Variants in FAM171A1 observed in about 807,000 individuals in gnomAD.
FAM171A1 encodes the protein protein FAM171A1.
A neutral mutation model predicts 74.9 loss-of-function variants in FAM171A1; 23 were observed. That is an observed-to-expected ratio of 0.31 (90% confidence interval 0.22 to 0.44). The LOEUF is 0.44. FAM171A1 is among the 20% of genes least tolerant of loss of function. The pLI, the probability that FAM171A1 is intolerant of heterozygous loss-of-function variation, is 1.00. For synonymous variants in FAM171A1, 527 were observed against 505.7 expected, an observed-to-expected ratio of 1.04 and a Z score of -0.57; for missense variants, 1,162 against 1,159.2, an observed-to-expected ratio of 1.00 and a Z score of -0.03.
upstream of FAM171A1, among the ~76,000 whole-genome samples, chr10:15,374,431 G>A (rs1836180464): frequency 6.6e-6 from 1 of 152,138 alleles, no homozygotes; most frequent in African/African-American, 2.4e-5. Flanking sequence ...TAACATACTT[G>A]CATATCATGT....
chr10:15,240,085 G>A (rs955327146), intron 5 of FAM171A1, among the ~76,000 whole-genome samples: 8 of 152,162 alleles, frequency 5.3e-5, no homozygotes, highest in Non-Finnish European at 7.4e-5. Flanking sequence ...TAGGCTGGGC[G>A]TGGTAGCTCA....
At chr10:15,364,709 C>T (rs932464525) in intron 1 of FAM171A1, among the ~76,000 whole-genome samples, 3 of 152,212 alleles carry the variant, frequency 2.0e-5, no homozygotes, top group African/African-American at 7.2e-5. Context: ...TGCATTCCTT[C>T]TGGAGGCTCT....
chr10:15,214,926 A>T (rs958127871), intron 7 of FAM171A1, among the ~76,000 whole-genome samples: 4 of 151,930 alleles, frequency 2.6e-5, no homozygotes, highest in East Asian at 1.9e-4. Flanking sequence ...ATGCCCAGCT[A>T]ATTTTTGACT....
chr10:15,247,586 T>A (rs149064272), intron 5 of FAM171A1, among the ~76,000 whole-genome samples: 2 of 152,330 alleles, frequency 1.3e-5, no homozygotes, highest in African/African-American at 4.8e-5. Flanking sequence ...TGGGTCTGTG[T>A]GACCAACAGC....
chr10:15,294,106 C>T (rs59767861), intron 1 of FAM171A1, among the ~76,000 whole-genome samples: 3,687 of 152,272 alleles, frequency 0.024, 136 homozygotes, highest in African/African-American at 0.084. Flanking sequence ...AAGAGTCACA[C>T]CACACAGCTC....
At chr10:15,291,397 T>C (rs1431675405) in intron 1 of FAM171A1, among the ~76,000 whole-genome samples, 5 of 152,206 alleles carry the variant, frequency 3.3e-5, no homozygotes, top group Admixed American at 2.0e-4. Flanking sequence ...ATTAAATTAA[T>C]TTAAAAATCG....
At chr10:15,298,243 T>A (rs1732581124) in intron 1 of FAM171A1, among the ~76,000 whole-genome samples, 1 of 152,166 alleles carries the variant, frequency 6.6e-6, no homozygotes, top group Admixed American at 6.5e-5. Context: ...GAAGCGATTC[T>A]CCTGTCTCAG....
chr10:15,258,281 G>A (rs756858189), intron 3 of FAM171A1, among the ~76,000 whole-genome samples: 3 of 151,726 alleles, frequency 2.0e-5, no homozygotes, highest in Non-Finnish European at 4.4e-5. Flanking sequence ...GGCTGGTCTC[G>A]ATCTCCTGAC....
At chr10:15,327,534 C>A (rs1835570642) in intron 1 of FAM171A1, among the ~76,000 whole-genome samples, 1 of 152,030 alleles carries the variant, frequency 6.6e-6, no homozygotes, top group African/African-American at 2.4e-5. Context: ...GCCTATAATC[C>A]CAGCTACTCA....
intron 1 of FAM171A1, among the ~76,000 whole-genome samples, chr10:15,289,499 T>C (rs1251498674): frequency 6.6e-6 from 1 of 152,116 alleles, no homozygotes; most frequent in Non-Finnish European, 1.5e-5. Context: ...CAGGCCTTTC[T>C]TTTGTACCCT....
At chr10:15,221,115 G>A in intron 5 of FAM171A1, 55 bp from the exon 6 acceptor site, 1 of 1,418,172 alleles carries the variant, frequency 7.1e-7, no homozygotes, top group Non-Finnish European at 9.9e-7. Flanking sequence ...CCTTTGTAAG[G>A]CTTGAGCATA....
Position 15,289,301 on chromosome 10 carries a change from A to T in FAM171A1, c.98-5196T>A, listed in dbSNP as rs149865893. On this transcript the variant is annotated intron_variant, in intron 1 of 7. Coordinates refer to ENST00000378116, the MANE Select transcript of FAM171A1 (RefSeq NM_001010924.2). ...ACTCTCATTTATAGGAAGACCCCAT[A>T]AACGGTCCCAGACCTAAATATGCCC... Among the ~76,000 whole-genome samples, 1,125 of 152,188 alleles carry T rather than the reference A, an allele frequency of 7.4e-3. 10 individuals are homozygous for T. Among genetic ancestry groups the T allele is most frequent in the Non-Finnish European group, 0.012 (830 of 67,996 alleles).
intron 1 of FAM171A1, among the ~76,000 whole-genome samples, chr10:15,363,625 T>C (rs989016277): frequency 1.3e-5 from 2 of 152,154 alleles, no homozygotes; most frequent in Non-Finnish European, 2.9e-5. Flanking sequence ...AGGAGACTGA[T>C]GGCAGGACAC....
Position 15,311,976 on chromosome 10 carries a change from T to C in FAM171A1, c.98-27871A>G, listed in dbSNP as rs562874714. ...ATTACGTGATTATTTACTGTTACAG[T>C]GAGGTATGTGAGATCAGCCCCATTT... On this transcript the variant is annotated intron_variant, in intron 1 of 7. Transcript: ENST00000378116. Among the ~76,000 whole-genome samples, 16 of 152,230 alleles carry C rather than the reference T, an allele frequency of 1.1e-4. No homozygotes were observed. The South Asian group carries it at 3.3e-3, about 32-fold the overall frequency.
chr10:15,290,106 T>C (rs1835085555), intron 1 of FAM171A1, among the ~76,000 whole-genome samples: 1 of 152,156 alleles, frequency 6.6e-6, no homozygotes, highest in South Asian at 2.1e-4. Flanking sequence ...TACACGCTTG[T>C]AGTCTCAGCT....
intron 1 of FAM171A1, among the ~76,000 whole-genome samples, chr10:15,292,368 T>C (rs563054593): frequency 6.6e-6 from 1 of 152,226 alleles, no homozygotes; most frequent in Non-Finnish European, 1.5e-5. Context: ...AATAGTGTCA[T>C]CTTTCTGCCA....
At chr10:15,261,978 G>C (rs184312908) in intron 3 of FAM171A1, among the ~76,000 whole-genome samples, 1 of 152,196 alleles carries the variant, frequency 6.6e-6, no homozygotes, top group East Asian at 1.9e-4. Context: ...AGATGGGTGT[G>C]GTGGCGCATG....
chr10:15,308,283 C>A (rs1035221164), intron 1 of FAM171A1, among the ~76,000 whole-genome samples: 24 of 152,286 alleles, frequency 1.6e-4, no homozygotes, highest in African/African-American at 5.8e-4. Context: ...AGGGCATATA[C>A]TCTCATGTCA....
intron 3 of FAM171A1, among the ~76,000 whole-genome samples, chr10:15,275,132 T>C (rs1056870707): frequency 1.3e-5 from 2 of 152,038 alleles, no homozygotes; most frequent in African/African-American, 4.8e-5. Flanking sequence ...GGGATAGCAT[T>C]AGGAGATATA....
Sources: allele counts gnomAD v4.1 joint callset (sites outside exome capture counted in the v4.1 genomes callset), GRCh38; gene constraint gnomAD v4.1.1; transcripts MANE v1.5; gene names NCBI Gene and HGNC (gene_info 2026-07-23, HGNC 2026-07-21).